Variants in PNPLA7 observed in about 807,000 individuals in gnomAD.
PNPLA7 encodes patatin like domain 7, lysophospholipase.
PNPLA7 carries 153 observed loss-of-function variants against 161.7 expected under a neutral mutation model. That is an observed-to-expected ratio of 0.95 (90% CI 0.83 to 1.08). The LOEUF is 1.08. Ranked by LOEUF, PNPLA7 falls within the 50% of genes least tolerant of loss-of-function variation. The pLI, the probability that PNPLA7 is intolerant of heterozygous loss-of-function variation, is 0.00. For synonymous variants in PNPLA7, 809 were observed against 782.1 expected, an observed-to-expected ratio of 1.03 and a Z score of -0.57; for missense variants, 1,739 against 1,856.6, an observed-to-expected ratio of 0.94 and a Z score of 1.16.
intron 4 of PNPLA7, among the ~76,000 whole-genome samples, chr9:137,544,119 C>T (rs1216478294): frequency 6.6e-6 from 1 of 152,226 alleles, no homozygotes; most frequent in Non-Finnish European, 1.5e-5. Flanking sequence ...CCATCTTTGG[C>T]TCTCATACTG....
At chr9:137,477,727 C>T (rs958318988) in intron 25 of PNPLA7, among the ~76,000 whole-genome samples, 12 of 152,162 alleles carry the variant, frequency 7.9e-5, no homozygotes, top group African/African-American at 2.9e-4. Context: ...ACAGGCGTGA[C>T]CCACGCGCCC....
Position 137,462,673 on chromosome 9 carries a change from G to A in PNPLA7, c.3492+12C>T, listed in dbSNP as rs764295231. On this transcript the variant is annotated intron_variant, in intron 30 of 34. Transcript: ENST00000406427. The stretch of plus-strand genomic sequence containing the variant: ...CAGCAGGGACAGCCCAGCCTGCCCG[G>A]TAGCACCCCACCTTGACTTTCGTGG... 2 of 1,613,176 alleles carry A rather than the reference G, an allele frequency of 1.2e-6. No homozygotes were observed. Among genetic ancestry groups the A allele is most frequent in the South Asian group, 2.2e-5 (2 of 91,050 alleles).
intron 14 of PNPLA7, among the ~76,000 whole-genome samples, chr9:137,503,854 A>AGAAG (rs1833705299): frequency 6.5e-5 from 1 of 15,492 alleles, no homozygotes; most frequent in African/African-American, 2.9e-4. Context: ...AGAAGGAAGA[A>AGAAG]GAAGAAGGAG....
rs372836468 is a variant in PNPLA7, at chr9:137,480,941, C to T, written c.2411+19G>A. On this transcript the variant is annotated intron_variant, in intron 22 of 34. Transcript: ENST00000406427. ...GTTGGGCCGGCTGGGAGGAAGGAGT[C>T]GGGGCTGGCGGCACGCACCTGTCCA... The T allele has an allele frequency of 8.9e-5, 138 of 1,550,846 alleles. 1 individual carries two copies. The highest frequency in any genetic ancestry group is 1.4e-4 in the African/African-American group (10 of 73,016).
Position 137,523,843 on chromosome 9 carries a change from G to A in PNPLA7, c.748-986C>T, listed in dbSNP as rs2132503732. On this transcript the variant is annotated intron_variant, in intron 8 of 34. Transcript: ENST00000406427. The surrounding 1 kb of genome is among the most constrained non-coding windows in gnomAD (Gnocchi z 4.4). Reference sequence around the variant, plus strand: ...GACAGGGTTTCACTGTGTTAGCCAGGAGGGTCTCGATCTCCTGACCTCGTG... The same window carrying A: ...GACAGGGTTTCACTGTGTTAGCCAGAAGGGTCTCGATCTCCTGACCTCGTG... Among the ~76,000 whole-genome samples the A allele has an allele frequency of 6.6e-6, 1 of 152,144 alleles. No individual in the cohort carries two copies. Among genetic ancestry groups the A allele is most frequent in the Admixed American group, 6.5e-5 (1 of 15,276 alleles).
rs1462656434 is a variant in PNPLA7 at position 137,483,750 on chromosome 9, C to T, written c.2347+837G>A. 3.9e-5 allele frequency among the ~76,000 whole-genome samples: 6 copies of T among 152,268 alleles called. No homozygotes were observed. In the East Asian group the frequency reaches 7.7e-4, roughly 20 times the overall value. The stretch of plus-strand genomic sequence containing the variant: ...GGGATTACAGGCATGAGCCACCGCA[C>T]GTGGCTGAGAATAACTTATAAGTAT... On this transcript the variant is annotated intron_variant, in intron 21 of 34. Transcript: ENST00000406427.
rs199782903 is a variant in PNPLA7, at chr9:137,461,529, C to T, written c.3841+7G>A. On this transcript the variant is annotated splice_region_variant and intron_variant, in intron 33 of 34. Transcript: ENST00000406427. ...TCTCCACGGCTTCGTCTTGCGCCTC[C>T]ACTCACCATCCACCATGGCGGGCTT... is the stretch of plus-strand genomic sequence containing the variant. 73 of 1,610,910 alleles carry T rather than the reference C, an allele frequency of 4.5e-5. No individual in the cohort carries two copies. Among genetic ancestry groups the T allele is most frequent in the Non-Finnish European group, 5.8e-5 (68 of 1,178,268 alleles).
rs751637295 is a variant in PNPLA7, at chr9:137,543,707, T to C, written c.365+17A>G. On this transcript the variant is annotated intron_variant, in intron 5 of 34. Transcript: ENST00000406427. This position sits in a 1 kb window ranked among gnomAD's most constrained non-coding sequence, Gnocchi z 6.9. ...GGGGCACCTGGGGCAGGATGTGGTC[T>C]GAAGGACACACAGTACCTCTTGGCC... The C allele has an allele frequency of 1.2e-5, 20 of 1,613,402 alleles. No homozygotes were observed. Among genetic ancestry groups the C allele is most frequent in the Middle Eastern group, 1.6e-4 (1 of 6,080 alleles).
At chr9:137,484,812 C>G in intron 20 of PNPLA7, 76 bp from the exon 21 acceptor site, 1 of 1,469,006 alleles carries the variant, frequency 6.8e-7, no homozygotes, top group South Asian at 1.4e-5. Context: ...TGGGGCCCCC[C>G]GAGGCTGCAC....
chr9:137,522,309 C>T (rs2353072), intron 9 of PNPLA7, among the ~76,000 whole-genome samples: 88,125 of 145,388 alleles, frequency 0.61, 27,767 homozygotes, highest in African/African-American at 0.82. Context: ...CTCCTGACCT[C>T]GTGATCCGCC....
At chr9:137,533,154 G>C (rs1835670690) in intron 8 of PNPLA7, among the ~76,000 whole-genome samples, 1 of 150,824 alleles carries the variant, frequency 6.6e-6, no homozygotes, top group African/African-American at 2.4e-5. Context: ...CCAGGCGGGA[G>C]GACTCCCAGA....
Position 137,498,138 on chromosome 9 carries a change from A to C in PNPLA7, c.1865T>G (p.Val622Gly), listed in dbSNP as rs1330453884. 6.2e-7 allele frequency: 1 copy of C among 1,612,844 alleles called. No homozygotes were observed. Among genetic ancestry groups the C allele is most frequent in the African/African-American group, 1.3e-5 (1 of 74,904 alleles). ...CCTGTATATTGCTCGCCCGGCCTCC[A>C]CCTCCACCCAGTCCAGGGCAAAGTC... ...QIDFALDWVEVEAGRAIYRQG... is the reference protein window; with the variant it reads ...QIDFALDWVEGEAGRAIYRQG... Residue 622 changes from valine (V) to glycine (G), a missense_variant, in exon 17 of 35, where the codon GTG becomes GGG. Coordinates refer to ENST00000406427, the MANE Select transcript of PNPLA7 (RefSeq NM_001098537.3).
chr9:137,515,440 T>C lies in PNPLA7; in HGVS notation c.1164A>G (p.Lys388=), dbSNP rs754791310. Residue 388 remains lysine (K), a synonymous_variant, in exon 12 of 35, where the codon AAA becomes AAG. Transcript: ENST00000406427. ...GCTTCTCCAGCTCCTCCAAGATCTG[T>C]TTGCGAATGGAAGGCGCGGGGACGG... The part of the protein sequence containing the change: ...SHSVPAPSIR[K]QILEELEKPG... The C allele has an allele frequency of 4.4e-6, 7 of 1,602,386 alleles. No homozygotes were observed. The highest frequency in any genetic ancestry group is 6.0e-6 in the Non-Finnish European group (7 of 1,175,732).
In PNPLA7 at chr9:137,537,514, A is replaced by G. The variant is rs1011641867; in HGVS notation, c.747+3128T>C. 1.3e-5 allele frequency among the ~76,000 whole-genome samples: 2 copies of G among 152,092 alleles called. No individual in the cohort carries two copies. The highest frequency in any genetic ancestry group is 4.8e-5 in the African/African-American group (2 of 41,398). ...TGTATTTTTAGTAGGGATGGGTTTC[A>G]CCATGTTGGCCAGGATGGTCTCGAT... On this transcript the variant is annotated intron_variant, in intron 8 of 34. Coordinates refer to ENST00000406427, the MANE Select transcript of PNPLA7 (RefSeq NM_001098537.3). This position sits in a 1 kb window ranked among gnomAD's most constrained non-coding sequence, Gnocchi z 4.5.
rs1181500073 is a variant in PNPLA7, at chr9:137,547,566, G to C, written c.105+19C>G. The C allele has an allele frequency of 3.1e-6, 5 of 1,613,038 alleles. No individual in the cohort carries two copies. Among genetic ancestry groups the C allele is most frequent in the Non-Finnish European group, 4.2e-6 (5 of 1,179,678 alleles). On this transcript the variant is annotated intron_variant, in intron 2 of 34. Coordinates refer to ENST00000406427, the MANE Select transcript of PNPLA7 (RefSeq NM_001098537.3). The surrounding 1 kb of genome is among the most constrained non-coding windows in gnomAD (Gnocchi z 4.6). Reference sequence around the variant, plus strand: ...ACGGCCCATCCAGGTCTGGCTCCAGGGAAGCGTGAGGTGATTACCATGGTG... The same window carrying C: ...ACGGCCCATCCAGGTCTGGCTCCAGCGAAGCGTGAGGTGATTACCATGGTG...
At chr9:137,498,386 G>A (rs1052194192) in intron 16 of PNPLA7, 141 bp from the exon 17 acceptor site, 15 of 1,277,824 alleles carry the variant, frequency 1.2e-5, no homozygotes, top group East Asian at 5.1e-5. Flanking sequence ...GGGCTGGGAC[G>A]GGGCACGCAC....
chr9:137,543,019 T>G lies in PNPLA7; in HGVS notation c.507-218A>C, dbSNP rs1158037607. Reference sequence around the variant, plus strand: ...GTTTTCCATCACCTCAGAGAACTTCTTGACCCGTGAACCTGAGCCACACAC... The same window carrying G: ...GTTTTCCATCACCTCAGAGAACTTCGTGACCCGTGAACCTGAGCCACACAC... On this transcript the variant is annotated intron_variant, in intron 6 of 34. Transcript: ENST00000406427. This position sits in a 1 kb window ranked among gnomAD's most constrained non-coding sequence, Gnocchi z 6.9. 6.6e-6 allele frequency among the ~76,000 whole-genome samples: 1 copy of G among 152,172 alleles called. No homozygotes were observed. Among genetic ancestry groups the G allele is most frequent in the Non-Finnish European group, 1.5e-5 (1 of 68,028 alleles).
At chr9:137,535,104 G>A (rs1835815410) in intron 8 of PNPLA7, among the ~76,000 whole-genome samples, 1 of 152,272 alleles carries the variant, frequency 6.6e-6, no homozygotes, top group Admixed American at 6.5e-5. Context: ...GAGAAAGCTG[G>A]CTGGCCAGCC....
intron 33 of PNPLA7, chr9:137,461,212 C>G (rs1005507217): frequency 1.8e-4 from 67 of 363,430 alleles, no homozygotes; most frequent in African/African-American, 1.3e-3. Flanking sequence ...TGCGGCCCCT[C>G]CAACAAGCAG....
Sources: allele counts gnomAD v4.1 joint callset (sites outside exome capture counted in the v4.1 genomes callset), GRCh38; gene constraint gnomAD v4.1.1; non-coding constraint Gnocchi (gnomAD v3.1); transcripts MANE v1.5; gene names NCBI Gene and HGNC (gene_info 2026-07-23, HGNC 2026-07-21).